Variants in PCDHGA8 observed in about 807,000 individuals in gnomAD.
The protein encoded by PCDHGA8 is protocadherin gamma subfamily A, 8, also known as protocadherin gamma-A8.
Under a neutral mutation model 59.2 loss-of-function variants are expected in PCDHGA8, and 45 were observed. That is an observed-to-expected ratio of 0.76 (90% confidence interval 0.60 to 0.98). The LOEUF (loss-of-function observed/expected upper bound fraction) is 0.98. Ranked by LOEUF, PCDHGA8 falls within the 50% of genes least tolerant of loss-of-function variation. The pLI is 0.00. For synonymous variants in PCDHGA8, 531 were observed against 519.0 expected, an observed-to-expected ratio of 1.02 and a Z score of -0.32; for missense variants, 1,257 against 1,196.2, an observed-to-expected ratio of 1.05 and a Z score of -0.75.
Position 141,490,835 on chromosome 5 carries a change from T to C in PCDHGA8, c.2425-3972T>C, listed in dbSNP as rs1284804400. 4 of 1,613,728 alleles carry C rather than the reference T, an allele frequency of 2.5e-6. No individual in the cohort carries two copies. The highest frequency in any genetic ancestry group is 1.1e-5 in the South Asian group (1 of 91,076). On this transcript the variant is annotated intron_variant, in intron 1 of 3. Transcript: ENST00000398604. This position sits in a 1 kb window ranked among gnomAD's most constrained non-coding sequence, Gnocchi z 5.4. ...TATGAATTGCTGCAGATGCTGCAGATTGTGGTGGGGGTTCGAGACTCCGGC... is the reference window on the plus strand; with the variant it reads ...TATGAATTGCTGCAGATGCTGCAGACTGTGGTGGGGGTTCGAGACTCCGGC...
chr5:141,407,954 G>A, intron 1 of PCDHGA8: 1 of 640,866 alleles, frequency 1.6e-6, no homozygotes, highest in East Asian at 3.0e-5. Flanking sequence ...GTCGGCCAGT[G>A]CAGAGCAAGC....
chr5:141,486,150 G>T lies in PCDHGA8; in HGVS notation c.2425-8657G>T. The T allele has an allele frequency of 6.2e-7, 1 of 1,614,180 alleles. No individual in the cohort carries two copies. The highest frequency in any genetic ancestry group is 8.5e-7 in the Non-Finnish European group (1 of 1,180,030). On this transcript the variant is annotated intron_variant, in intron 1 of 3. Transcript: ENST00000398604. This position sits in a 1 kb window ranked among gnomAD's most constrained non-coding sequence, Gnocchi z 5.0. The stretch of plus-strand genomic sequence containing the variant: ...TTTGATGTGCGGGCTCGCGATGGGG[G>T]TTCTCCAGCCATGGAGCAACATTGC...
chr5:141,494,037 T>C (rs2099751443), intron 1 of PCDHGA8, among the ~76,000 whole-genome samples: 1 of 152,146 alleles, frequency 6.6e-6, no homozygotes, highest in South Asian at 2.1e-4. Context: ...GAGACTTAGT[T>C]GGCCCTGCTT....
At chr5:141,459,137 G>C (rs1336232891) in intron 1 of PCDHGA8, among the ~76,000 whole-genome samples, 1 of 152,190 alleles carries the variant, frequency 6.6e-6, no homozygotes, top group Non-Finnish European at 1.5e-5. Context: ...TAACCACCAT[G>C]CAATCAAAAT....
chr5:141,407,089 TTTTA>T (rs2094885755), intron 1 of PCDHGA8, among the ~76,000 whole-genome samples: 2 of 152,196 alleles, frequency 1.3e-5, no homozygotes, highest in South Asian at 4.1e-4. Flanking sequence ...TGAAGAATTG[TTTTA>T]TTTGTTTGTA....
rs889451396 is a variant in PCDHGA8, at chr5:141,393,167, G to A, written c.354G>A (p.Gly118=). ...TLVEDKGKLF[G]VEIEIIDIND... is the part of the protein sequence containing the mutation. ...TTGAGGATAAAGGAAAACTCTTTGG[G>A]GTAGAAATAGAAATAATTGATATTA... The change falls in exon 1 of 4, where the codon GGG becomes GGA. Residue 118 remains glycine (G), a synonymous_variant. Transcript: ENST00000398604. The A allele has an allele frequency of 5.6e-6, 9 of 1,613,166 alleles. No homozygotes were observed. Among genetic ancestry groups the A allele is most frequent in the Non-Finnish European group, 7.6e-6 (9 of 1,179,880 alleles).
At chr5:141,472,617 A>G (rs1024856184) in intron 1 of PCDHGA8, among the ~76,000 whole-genome samples, 3 of 152,138 alleles carry the variant, frequency 2.0e-5, no homozygotes, top group African/African-American at 7.2e-5. Flanking sequence ...CAAAGAAGAA[A>G]AAAGATAAAG....
intron 1 of PCDHGA8, among the ~76,000 whole-genome samples, chr5:141,455,286 T>G (rs889792228): frequency 6.6e-6 from 1 of 152,176 alleles, no homozygotes; most frequent in African/African-American, 2.4e-5. Flanking sequence ...AACATCACTT[T>G]ACATAGTTTC....
chr5:141,496,992 C>T (rs1055856428), intron 2 of PCDHGA8, among the ~76,000 whole-genome samples: 2 of 151,918 alleles, frequency 1.3e-5, no homozygotes, highest in African/African-American at 2.4e-5. Context: ...TTGAGACCAG[C>T]CTGGCAGCCA....
rs1561964279 is a variant in PCDHGA8 at position 141,456,201 on chromosome 5, A to G, written c.2425-38606A>G. 2.0e-5 allele frequency among the ~76,000 whole-genome samples: 3 copies of G among 152,228 alleles called. No homozygotes were observed. The South Asian group carries it at 6.2e-4, about 32-fold the overall frequency. On this transcript the variant is annotated intron_variant, in intron 1 of 3. Coordinates refer to ENST00000398604, the MANE Select transcript of PCDHGA8 (RefSeq NM_032088.2). ...ATAATTTCTTAATAACTCCTACCAC[A>G]TTCCTCCCTGTGGCGATATCAAACT...
At chr5:141,433,422 A>G (rs1172678396) in intron 1 of PCDHGA8, among the ~76,000 whole-genome samples, 1 of 150,646 alleles carries the variant, frequency 6.6e-6, no homozygotes, top group Admixed American at 6.6e-5. Context: ...TCTTGTACAG[A>G]CAGGAGTCTC....
Position 141,476,263 on chromosome 5 carries a change from C to G in PCDHGA8, c.2425-18544C>G. 13 of 1,613,940 alleles carry G rather than the reference C, an allele frequency of 8.1e-6. No individual in the cohort carries two copies. Among genetic ancestry groups the G allele is most frequent in the Non-Finnish European group, 1.1e-5 (13 of 1,180,010 alleles). On this transcript the variant is annotated intron_variant, in intron 1 of 3. Transcript: ENST00000398604. This position sits in a 1 kb window ranked among gnomAD's most constrained non-coding sequence, Gnocchi z 7.6. ...GAGAGAAGGGTTTCGCTGTGGGCAA[C>G]GTGGTCGCGAACCTTGGTTTGGATC...
chr5:141,404,973 A>T, intron 1 of PCDHGA8: 1 of 1,613,952 alleles, frequency 6.2e-7, no homozygotes, highest in South Asian at 1.1e-5. Flanking sequence ...ATCCTGGCTG[A>T]CCTGGGCAGT....
intron 1 of PCDHGA8, among the ~76,000 whole-genome samples, chr5:141,447,450 C>G (rs540357899): frequency 1.3e-5 from 2 of 152,082 alleles, no homozygotes; most frequent in African/African-American, 2.4e-5. Context: ...AATTTTTAAC[C>G]TCAGTTTTTC....
chr5:141,494,680 C>G (rs552351026), intron 1 of PCDHGA8, 127 bp from the exon 2 acceptor site: 2 of 1,560,096 alleles, frequency 1.3e-6, no homozygotes, highest in East Asian at 4.6e-5. Context: ...CCACCCCTGC[C>G]CCCTCTTAGT....
At chr5:141,403,214 G>A in intron 1 of PCDHGA8, 5 of 1,613,990 alleles carry the variant, frequency 3.1e-6, no homozygotes, top group Non-Finnish European at 4.2e-6. Context: ...GGTCACCGCG[G>A]GTAGGATAGA....
At chr5:141,488,273 C>A (rs1411817846) in intron 1 of PCDHGA8, among the ~76,000 whole-genome samples, 6 of 152,256 alleles carry the variant, frequency 3.9e-5, no homozygotes, top group East Asian at 1.9e-4. Flanking sequence ...TTGGTCATCA[C>A]CTTTGGAAAA....
Position 141,485,087 on chromosome 5 carries a change from T to G in PCDHGA8, c.2425-9720T>G. The G allele has an allele frequency of 2.0e-6, 2 of 1,000,176 alleles. No homozygotes were observed. The highest frequency in any genetic ancestry group is 1.5e-6 in the Non-Finnish European group (1 of 651,808). 62.0% of individuals were successfully genotyped at this position (1,000,176 alleles called of 1,614,324 possible). A position where few individuals can be genotyped will look rare whatever the true frequency, so the allele number is the denominator to read the frequency against. The stretch of plus-strand genomic sequence containing the variant: ...CAGAGCTGGCGCGGGGAAAGGGAGA[T>G]AGGTGTCTCCAGCTGCTGTGGCTGT... On this transcript the variant is annotated intron_variant, in intron 1 of 3. Transcript: ENST00000398604. This position sits in a 1 kb window ranked among gnomAD's most constrained non-coding sequence, Gnocchi z 5.7.
rs749781059 is a variant in PCDHGA8 at position 141,477,983 on chromosome 5, C to G, written c.2425-16824C>G. On this transcript the variant is annotated intron_variant, in intron 1 of 3. Coordinates refer to ENST00000398604, the MANE Select transcript of PCDHGA8 (RefSeq NM_032088.2). This position sits in a 1 kb window ranked among gnomAD's most constrained non-coding sequence, Gnocchi z 4.9. ...TAACCAGAGCCTTTTTGCCATAGGG[C>G]TGCACACTGGTCAAATCAGTACTGC... The G allele has an allele frequency of 1.7e-5, 27 of 1,614,126 alleles. No homozygotes were observed. The highest frequency in any genetic ancestry group is 2.3e-5 in the Non-Finnish European group (27 of 1,180,024).
Sources: gnomAD v4.1 joint callset for allele counts (sites outside exome capture counted in the v4.1 genomes callset) on GRCh38, gnomAD v4.1.1 for gene constraint, Gnocchi (gnomAD v3.1) non-coding constraint, MANE v1.5 for transcripts, NCBI Gene and HGNC (gene_info 2026-07-23, HGNC 2026-07-21) for gene names.